Variants in GABRB1 observed in about 807,000 individuals in gnomAD.
GABRB1 encodes gamma-aminobutyric acid receptor subunit beta-1.
Under a neutral mutation model 51.6 loss-of-function variants are expected in GABRB1, and 17 were observed. The observed-to-expected ratio is 0.33, with a 90% CI of 0.23 to 0.49. The LOEUF (loss-of-function observed/expected upper bound fraction) is 0.49. Ranked by LOEUF, GABRB1 falls within the 20% of genes least tolerant of loss-of-function variation. The pLI is 0.99. For synonymous variants in GABRB1, 247 were observed against 218.9 expected (o/e 1.13, Z -1.14); for missense variants, 410 against 600.6 (o/e 0.68, Z 3.32).
At chr4:47,225,860 T>C (rs562276790) in intron 4 of GABRB1, among the ~76,000 whole-genome samples, 40 of 152,304 alleles carry the variant, frequency 2.6e-4, no homozygotes, top group African/African-American at 8.7e-4. Flanking sequence ...GCATGCGTAG[T>C]GGATGAGGAA....
chr4:47,162,587 C>T (rs1287416293), intron 4 of GABRB1, among the ~76,000 whole-genome samples: 1 of 151,986 alleles, frequency 6.6e-6, no homozygotes, highest in African/African-American at 2.4e-5. Flanking sequence ...ATTTGAGAAT[C>T]ATGAAGTTGA....
intron 1 of GABRB1, among the ~76,000 whole-genome samples, chr4:47,009,249 T>C (rs1227099734): frequency 6.6e-6 from 1 of 150,426 alleles, no homozygotes; most frequent in African/African-American, 2.4e-5. Flanking sequence ...TTAATTAAAT[T>C]TTATATAAAT....
intron 3 of GABRB1, among the ~76,000 whole-genome samples, chr4:47,139,597 G>A (rs115323215): frequency 3.3e-5 from 5 of 152,058 alleles, no homozygotes; most frequent in Admixed American, 1.3e-4. Flanking sequence ...TCACGACTAG[G>A]TCTAGAAATT....
At chr4:47,203,829 G>A (rs1346216524) in intron 4 of GABRB1, among the ~76,000 whole-genome samples, 1 of 152,028 alleles carries the variant, frequency 6.6e-6, no homozygotes, top group African/African-American at 2.4e-5. Context: ...CAGGACAAAT[G>A]TATGTTCACA....
Position 47,258,643 on chromosome 4 carries a change from G to A in GABRB1, c.462-61484G>A, listed in dbSNP as rs903074128. ...ATTCAAATTCAGAATTCAAAAGAATGACAATGTATTAGTCAAGACTCAATT... is the reference window on the plus strand; with the variant it reads ...ATTCAAATTCAGAATTCAAAAGAATAACAATGTATTAGTCAAGACTCAATT... On this transcript the variant is annotated intron_variant, in intron 4 of 8. Coordinates refer to ENST00000295454, the MANE Select transcript of GABRB1 (RefSeq NM_000812.4). 7.2e-5 allele frequency among the ~76,000 whole-genome samples: 11 copies of A among 152,220 alleles called. No homozygotes were observed. The East Asian group carries it at 2.1e-3, about 29-fold the overall frequency.
At chr4:47,263,390 AG>A (rs997698309) in intron 4 of GABRB1, among the ~76,000 whole-genome samples, 13 of 152,086 alleles carry the variant, frequency 8.5e-5, no homozygotes, top group African/African-American at 3.1e-4. Context: ...AAATATGACT[AG>A]GGGAGAAGTA....
intron 3 of GABRB1, among the ~76,000 whole-genome samples, chr4:47,148,042 C>A (rs1351923412): frequency 6.6e-6 from 1 of 151,896 alleles, no homozygotes; most frequent in Non-Finnish European, 1.5e-5. Flanking sequence ...TAGGGAAGAA[C>A]AAGACTAGAG....
intron 1 of GABRB1, among the ~76,000 whole-genome samples, chr4:47,012,970 T>C (rs1375652624): frequency 6.6e-6 from 1 of 152,226 alleles, no homozygotes; most frequent in Non-Finnish European, 1.5e-5. Flanking sequence ...TAGTTGTAGT[T>C]CATTTGTGTA....
chr4:47,153,621 T>G (rs1375718223), intron 3 of GABRB1, among the ~76,000 whole-genome samples: 1 of 152,084 alleles, frequency 6.6e-6, no homozygotes, highest in Non-Finnish European at 1.5e-5. Flanking sequence ...TTTATTGGAA[T>G]CCATACTCCA....
At chr4:47,159,075 G>C (rs1717825296) in intron 3 of GABRB1, among the ~76,000 whole-genome samples, 1 of 151,336 alleles carries the variant, frequency 6.6e-6, no homozygotes, top group South Asian at 2.1e-4. Context: ...CCAGGAATTT[G>C]AGACCAGCCT....
At chr4:47,057,932 T>A (rs2109521471) in intron 3 of GABRB1, among the ~76,000 whole-genome samples, 1 of 152,308 alleles carries the variant, frequency 6.6e-6, no homozygotes, top group South Asian at 2.1e-4. Context: ...TGATAGGGAA[T>A]GACTTTAGCT....
At chr4:47,242,319 C>T (rs1721555448) in intron 4 of GABRB1, among the ~76,000 whole-genome samples, 1 of 152,178 alleles carries the variant, frequency 6.6e-6, no homozygotes, top group Non-Finnish European at 1.5e-5. Context: ...CAAGTCTTTG[C>T]TATTGTGTAT....
intron 4 of GABRB1, among the ~76,000 whole-genome samples, chr4:47,225,019 C>T (rs1359973984): frequency 2.6e-5 from 4 of 152,068 alleles, no homozygotes; most frequent in African/African-American, 7.2e-5. Flanking sequence ...CTCAGCCTCC[C>T]GAGTAGCTGG....
At chr4:47,102,496 T>G (rs530574175) in intron 3 of GABRB1, among the ~76,000 whole-genome samples, 1 of 151,930 alleles carries the variant, frequency 6.6e-6, no homozygotes, top group East Asian at 1.9e-4. Flanking sequence ...GGAGTAGATA[T>G]GAAGAGTTGA....
upstream of GABRB1, among the ~76,000 whole-genome samples, chr4:47,029,927 G>A (rs1725233957): frequency 6.6e-6 from 1 of 152,016 alleles, no homozygotes; most frequent in African/African-American, 2.4e-5. Flanking sequence ...GCACAATAAT[G>A]TCTTGATATC....
intron 4 of GABRB1, among the ~76,000 whole-genome samples, chr4:47,294,407 A>G (rs1403097800): frequency 6.6e-6 from 1 of 152,174 alleles, no homozygotes; most frequent in East Asian, 1.9e-4. Flanking sequence ...CCACCCTAAT[A>G]CTGTGCTTTT....
At chr4:47,064,471 C>A (rs1726977297) in intron 3 of GABRB1, among the ~76,000 whole-genome samples, 1 of 151,700 alleles carries the variant, frequency 6.6e-6, no homozygotes, top group Admixed American at 6.6e-5. Flanking sequence ...TCCGTCTCTA[C>A]TACAAATACA....
intron 5 of GABRB1, among the ~76,000 whole-genome samples, chr4:47,390,226 C>G (rs1482803120): frequency 6.6e-6 from 1 of 152,172 alleles, no homozygotes; most frequent in African/African-American, 2.4e-5. Context: ...TAACCCTGAG[C>G]CATTCACCAT....
At chr4:47,218,369 C>A (rs1720635551) in intron 4 of GABRB1, among the ~76,000 whole-genome samples, 1 of 151,750 alleles carries the variant, frequency 6.6e-6, no homozygotes, top group African/African-American at 2.4e-5. Context: ...GGGATTGCTG[C>A]ATTGTATAGT....
Sources: gnomAD v4.1 joint callset for allele counts (sites outside exome capture counted in the v4.1 genomes callset) on GRCh38, gnomAD v4.1.1 for gene constraint, MANE v1.5 for transcripts, NCBI Gene and HGNC (gene_info 2026-07-23, HGNC 2026-07-21) for gene names.